The following IQCF1 variants were observed in gnomAD, a reference collection of about 807,000 sequenced individuals.
The protein encoded by IQCF1 is IQ domain-containing protein F1.
Under a neutral mutation model 12.5 loss-of-function variants are expected in IQCF1, and 9 were observed. That is an observed-to-expected ratio of 0.72 (90% CI 0.43 to 1.26). The LOEUF (loss-of-function observed/expected upper bound fraction) is 1.26, where lower values mean the gene tolerates loss of function less well. IQCF1 is among the 50% of genes most tolerant of loss of function. The pLI is 0.00. For synonymous variants in IQCF1, 67 were observed against 96.2 expected (o/e 0.70, Z 1.78); for missense variants, 252 against 257.4 (o/e 0.98, Z 0.14).
chr3:51,899,437 C>G (rs1699050294), intron 2 of IQCF1, among the ~76,000 whole-genome samples: 1 of 152,084 alleles, frequency 6.6e-6, no homozygotes, highest in Non-Finnish European at 1.5e-5. Flanking sequence ...ATTGAAGAAA[C>G]AGTTTATGTG....
At position 51,895,254 on chromosome 3, in the gene IQCF1, C is replaced by T. The variant is rs143171497; in HGVS notation, c.254G>A (p.Arg85His). 6.5e-5 allele frequency: 105 copies of T among 1,614,156 alleles called. No individual in the cohort carries two copies. The highest frequency in any genetic ancestry group is 2.2e-4 in the South Asian group (20 of 91,072). The change falls in exon 4 of 4, where the codon CGT (arginine) becomes CAT (histidine). Residue 85 changes from arginine to histidine, a missense_variant. By Grantham distance (29) the Arg-to-His change is conservative. Transcript: ENST00000310914. The surrounding 1 kb of genome is among the most constrained non-coding windows in gnomAD (Gnocchi z 4.8). ...GAGGGCTGCGTGCAACAGTGCCCGA[C>T]GCACCAGGGTGCCCCGCCACCAGGC... ...IQAWWRGTLV[R>H]RALLHAALSA... is the part of the protein sequence containing the mutation.
chr3:51,896,147 G>A (rs1196176724), intron 3 of IQCF1, among the ~76,000 whole-genome samples: 1 of 152,112 alleles, frequency 6.6e-6, no homozygotes, highest in Non-Finnish European at 1.5e-5. Context: ...TTTGTCCTCT[G>A]TTGTCTCTAA....
At chr3:51,896,944 CT>C in intron 2 of IQCF1, 50 bp from the exon 3 acceptor site, 1 of 1,402,324 alleles carries the variant, frequency 7.1e-7, no homozygotes, top group South Asian at 1.2e-5. Context: ...TTGTTTATTT[CT>C]CTTCTTAGCC....
intron 2 of IQCF1, 30 bp downstream of exon 2, chr3:51,902,955 C>T: frequency 6.6e-7 from 1 of 1,505,302 alleles, no homozygotes; most frequent in Non-Finnish European, 9.3e-7. Context: ...GACATGGGAT[C>T]AATGACATCC....
chr3:51,899,346 T>G (rs1699049662), intron 2 of IQCF1, among the ~76,000 whole-genome samples: 1 of 152,080 alleles, frequency 6.6e-6, no homozygotes, highest in Admixed American at 6.5e-5. Context: ...GTGAAAGTCA[T>G]GAAAAAAAAG....
chr3:51,898,453 A>C (rs1442074715), intron 2 of IQCF1, among the ~76,000 whole-genome samples: 1 of 152,238 alleles, frequency 6.6e-6, no homozygotes, highest in Non-Finnish European at 1.5e-5. Flanking sequence ...GACAACCCGT[A>C]GCCTTCATAA....
rs1698990726 is a variant in IQCF1, at chr3:51,895,332, G to A, written c.176C>T (p.Pro59Leu). ...GTCAGAGAGCTTCTTTTGGTTTTCT[G>A]GGGGCTTTCAAGAAAAAAAGAGGGA... ...DNANEKSEKP[P>L]ENQKKLSDKD... Residue 59 changes from proline to leucine, a missense_variant, in exon 4 of 4, where the codon CCA becomes CTA. By Grantham distance (98) the Pro-to-Leu change is moderately conservative. Coordinates refer to ENST00000310914, the MANE Select transcript of IQCF1 (RefSeq NM_152397.3). The surrounding 1 kb of genome is among the most constrained non-coding windows in gnomAD (Gnocchi z 4.8). 1.3e-6 allele frequency: 2 copies of A among 1,489,842 alleles called. No individual in the cohort carries two copies. The highest frequency in any genetic ancestry group is 2.4e-5 in the African/African-American group (1 of 41,188). The allele number at this position is 1,489,842 out of a possible 1,614,324, so 92.3% of individuals were successfully genotyped here.
chr3:51,900,390 G>A lies in IQCF1; in HGVS notation c.108+2595C>T, dbSNP rs929374503. 2.6e-5 allele frequency among the ~76,000 whole-genome samples: 4 copies of A among 152,144 alleles called. No homozygotes were observed. Among genetic ancestry groups the A allele is most frequent in the South Asian group, 2.1e-4 (1 of 4,824 alleles). On this transcript the variant is annotated intron_variant, in intron 2 of 3. Transcript: ENST00000310914. This position sits in a 1 kb window ranked among gnomAD's most constrained non-coding sequence, Gnocchi z 4.2. ...TTCTATTACTCTTTCTTCTTTCCTC[G>A]CTCTATTGCTGACCATCTAGTTATT...
In IQCF1 at chr3:51,894,919, C is replaced by T. The variant is rs143899718; in HGVS notation, c.589G>A (p.Glu197Lys). Residue 197 changes from glutamate to lysine, a missense_variant, in exon 4 of 4, where the codon GAG (glutamate) becomes AAG (lysine). Glu to Lys is a moderately conservative substitution (Grantham distance 56, BLOSUM62 1). Coordinates refer to ENST00000310914, the MANE Select transcript of IQCF1 (RefSeq NM_152397.3). The stretch of plus-strand genomic sequence containing the variant: ...TCCTTTATTGAGAAGGGAATACACT[C>T]TGTCACAATGCAAGGCCCTGAGTCC... ...LLDSGPCIVTECIPFSIKE is the reference protein window; with the variant it reads ...LLDSGPCIVTKCIPFSIKE 4 of 1,614,022 alleles carry T rather than the reference C, an allele frequency of 2.5e-6. No homozygotes were observed. In the African/African-American group the frequency reaches 5.3e-5, roughly 22 times the overall value.
rs183604034 is a variant in IQCF1 at position 51,900,757 on chromosome 3, C to T, written c.108+2228G>A. 6.6e-6 allele frequency among the ~76,000 whole-genome samples: 1 copy of T among 152,270 alleles called. No homozygotes were observed. The highest frequency in any genetic ancestry group is 6.5e-5 in the Admixed American group (1 of 15,294). ...CATTCATCTTACTAGAGGGACAGCC[C>T]CCGCCTCCCACTAACTGTCAGCTAA... On this transcript the variant is annotated intron_variant, in intron 2 of 3. Transcript: ENST00000310914. This position sits in a 1 kb window ranked among gnomAD's most constrained non-coding sequence, Gnocchi z 4.2.
chr3:51,902,262 C>T (rs1699083317), intron 2 of IQCF1, among the ~76,000 whole-genome samples: 1 of 152,148 alleles, frequency 6.6e-6, no homozygotes, highest in Non-Finnish European at 1.5e-5. Context: ...AACTATTCTC[C>T]ACCTTATCCA....
At chr3:51,898,521 G>A (rs1285722462) in intron 2 of IQCF1, among the ~76,000 whole-genome samples, 1 of 152,060 alleles carries the variant, frequency 6.6e-6, no homozygotes, top group African/African-American at 2.4e-5. Flanking sequence ...AATCTGTAAT[G>A]GCAACTGCTT....
At chr3:51,899,690 A>C (rs1699052718) in intron 2 of IQCF1, among the ~76,000 whole-genome samples, 1 of 152,244 alleles carries the variant, frequency 6.6e-6, no homozygotes, top group Non-Finnish European at 1.5e-5. Flanking sequence ...GGTTTTTCTT[A>C]AAGCATTAAC....
In IQCF1 at chr3:51,901,170, A is replaced by G. The variant is rs556909690; in HGVS notation, c.108+1815T>C. Among the ~76,000 whole-genome samples, 3 of 152,356 alleles carry G rather than the reference A, an allele frequency of 2.0e-5. No individual in the cohort carries two copies. The East Asian group carries it at 5.8e-4, about 29-fold the overall frequency. ...GTTATGCTTGTGCACCCAGCAGGCC[A>G]GGGGCCCAGAATGTCCCCTTTCCAC... is the stretch of plus-strand genomic sequence containing the variant. On this transcript the variant is annotated intron_variant, in intron 2 of 3. Transcript: ENST00000310914.
At chr3:51,901,474 T>A (rs1207048986) in intron 2 of IQCF1, among the ~76,000 whole-genome samples, 4 of 152,204 alleles carry the variant, frequency 2.6e-5, no homozygotes, top group African/African-American at 9.6e-5. Context: ...CAGTCAGCCC[T>A]TGTTCATCCC....
At position 51,902,934 on chromosome 3, in the gene IQCF1, A is replaced by G. The variant is rs1347193700; in HGVS notation, c.108+51T>C. On this transcript the variant is annotated intron_variant, in intron 2 of 3. Coordinates refer to ENST00000310914, the MANE Select transcript of IQCF1 (RefSeq NM_152397.3). ...CAGCACCATGCAAAAGACACTAGCT[A>G]CTAGCACTAGGACATGGGATCAATG... is the stretch of plus-strand genomic sequence containing the variant. 4 of 1,323,152 alleles carry G rather than the reference A, an allele frequency of 3.0e-6. No individual in the cohort carries two copies. The Admixed American group carries it at 6.7e-5, about 22-fold the overall frequency. The allele number at this position is 1,323,152 out of a possible 1,614,324, so 82.0% of individuals were successfully genotyped here.
chr3:51,899,333 T>C (rs1287075788), intron 2 of IQCF1, among the ~76,000 whole-genome samples: 1 of 152,210 alleles, frequency 6.6e-6, no homozygotes, highest in Non-Finnish European at 1.5e-5. Flanking sequence ...TGAAGAATTA[T>C]CTGTGAAAGT....
intron 2 of IQCF1, among the ~76,000 whole-genome samples, chr3:51,901,572 G>A (rs2106645631): frequency 6.6e-6 from 1 of 152,308 alleles, no homozygotes; most frequent in African/African-American, 2.4e-5. Context: ...AGTCCAATTG[G>A]CTATCCCTTT....
intron 2 of IQCF1, among the ~76,000 whole-genome samples, chr3:51,901,461 A>G (rs1699075009): frequency 6.6e-6 from 1 of 152,200 alleles, no homozygotes; most frequent in Admixed American, 6.5e-5. Context: ...AGAGCTTATC[A>G]ATCAGTCAGC....
Sources: allele counts gnomAD v4.1 joint callset (sites outside exome capture counted in the v4.1 genomes callset), GRCh38; gene constraint gnomAD v4.1.1; non-coding constraint Gnocchi (gnomAD v3.1); transcripts MANE v1.5; gene names NCBI Gene and HGNC (gene_info 2026-07-23, HGNC 2026-07-21).